Variants in GLI2 observed in about 807,000 individuals in gnomAD.
GLI2 encodes the protein transcription activator GLI2.
A neutral mutation model predicts 78.9 loss-of-function variants in GLI2; 22 were observed. The ratio of observed to expected loss-of-function variants is 0.28; its 90% confidence interval spans 0.20 to 0.40. GLI2 has a LOEUF of 0.40. GLI2 is among the 10% of genes least tolerant of loss of function. The pLI, the probability that GLI2 is intolerant of heterozygous loss-of-function variation, is 1.00. For synonymous variants in GLI2, 974 were observed against 963.7 expected, an observed-to-expected ratio of 1.01 and a Z score of -0.20; for missense variants, 2,097 against 2,213.2, an observed-to-expected ratio of 0.95 and a Z score of 1.05.
intron 2 of GLI2, among the ~76,000 whole-genome samples, chr2:120,847,911 C>A (rs915493689): frequency 1.3e-5 from 2 of 152,122 alleles, no homozygotes; most frequent in African/African-American, 2.4e-5. Context: ...GGGAGAAACC[C>A]GCTGTGGGGA....
intron 2 of GLI2, among the ~76,000 whole-genome samples, chr2:120,806,414 A>T (rs1684952485): frequency 6.6e-6 from 1 of 151,376 alleles, no homozygotes; most frequent in Admixed American, 6.6e-5. Context: ...CACTCAGCAG[A>T]TGGTGACGAA....
chr2:120,947,382 G>GA (rs2104937952), intron 3 of GLI2, among the ~76,000 whole-genome samples: 1 of 152,356 alleles, frequency 6.6e-6, no homozygotes, highest in East Asian at 1.9e-4. Flanking sequence ...AATTCACAAA[G>GA]AAAATATGTG....
intron 3 of GLI2, 103 bp from the exon 4 acceptor site, chr2:120,951,140 A>G (rs1348077707): frequency 1.3e-6 from 1 of 767,734 alleles, no homozygotes; most frequent in Non-Finnish European, 2.4e-6. Flanking sequence ...TTGTTCTGGA[A>G]AGTCTTTCCA....
chr2:120,850,881 T>C (rs978621015), intron 2 of GLI2, among the ~76,000 whole-genome samples: 5 of 152,210 alleles, frequency 3.3e-5, no homozygotes, highest in African/African-American at 1.2e-4. Context: ...ATTAAGCTCA[T>C]AGGATTAAAG....
At position 120,967,012 on chromosome 2, in the gene GLI2, G is replaced by A. The variant is rs543371257; in HGVS notation, c.644-1702G>A. Among the ~76,000 whole-genome samples, 6 of 152,360 alleles carry A rather than the reference G, an allele frequency of 3.9e-5. No individual in the cohort carries two copies. In the South Asian group the frequency reaches 1.2e-3, roughly 32 times the overall value. On this transcript the variant is annotated intron_variant, in intron 5 of 13. Coordinates refer to ENST00000361492, the MANE Select transcript of GLI2 (RefSeq NM_001374353.1). ...CAGTCAGGGCAGCCTGCCTGGAGGA[G>A]GGGGCACCCAGGAGGGGTCTCAGCA...
At chr2:120,832,484 TC>T (rs1686411829) in intron 2 of GLI2, among the ~76,000 whole-genome samples, 1 of 146,056 alleles carries the variant, frequency 6.8e-6, no homozygotes, top group Non-Finnish European at 1.5e-5. Flanking sequence ...TGGTCAGTCA[TC>T]CCTGTGTGGC....
chr2:120,975,862 A>C (rs891204602), intron 9 of GLI2, among the ~76,000 whole-genome samples: 3 of 152,170 alleles, frequency 2.0e-5, no homozygotes, highest in African/African-American at 7.2e-5. Flanking sequence ...AGTGGTTCTG[A>C]GCAAGTGACT....
chr2:120,982,988 C>T, intron 11 of GLI2, 108 bp downstream of exon 11: 1 of 1,006,018 alleles, frequency 9.9e-7, no homozygotes, highest in South Asian at 1.5e-5. Context: ...CATGTCCCGC[C>T]CCCGCCACTG....
chr2:120,939,981 C>A (rs1680378571), intron 3 of GLI2, among the ~76,000 whole-genome samples: 1 of 152,212 alleles, frequency 6.6e-6, no homozygotes, highest in African/African-American at 2.4e-5. Flanking sequence ...GCCAAAATGG[C>A]TCTTTTCTGT....
chr2:120,989,031 C>G lies in GLI2; in HGVS notation c.3066C>G (p.Ala1022=). ...TCAGCGAGAACGTGGCGATGGAGGC[C>G]GTGGCGGCAGGAGTGGACGGCGCGG... ...PSISENVAME[A]VAAGVDGAGP... is the part of the protein sequence containing the mutation. Residue 1022 remains alanine, a synonymous_variant, in exon 14 of 14, where the codon GCC becomes GCG. Transcript: ENST00000361492. 1.9e-6 allele frequency: 3 copies of G among 1,605,402 alleles called. No homozygotes were observed. Among genetic ancestry groups the G allele is most frequent in the Non-Finnish European group, 2.5e-6 (3 of 1,178,598 alleles).
At chr2:120,782,711 TG>T (rs1683882563) in intron 1 of GLI2, among the ~76,000 whole-genome samples, 1 of 152,214 alleles carries the variant, frequency 6.6e-6, no homozygotes, top group African/African-American at 2.4e-5. Flanking sequence ...TTCTCTGTTG[TG>T]GGAACTGTCC....
intron 3 of GLI2, among the ~76,000 whole-genome samples, chr2:120,934,659 T>C (rs553080863): frequency 6.6e-6 from 1 of 152,308 alleles, no homozygotes; most frequent in African/African-American, 2.4e-5. Context: ...TTCATCTGCA[T>C]GCTTGGTCAC....
At chr2:120,877,640 C>G (rs112175723) in intron 2 of GLI2, among the ~76,000 whole-genome samples, 5 of 152,308 alleles carry the variant, frequency 3.3e-5, no homozygotes, top group African/African-American at 1.2e-4. Flanking sequence ...GTGCACTTTT[C>G]TATCTGGTTG....
At chr2:120,787,894 C>T (rs977076143) in intron 1 of GLI2, among the ~76,000 whole-genome samples, 3 of 152,136 alleles carry the variant, frequency 2.0e-5, no homozygotes, top group East Asian at 1.9e-4. Context: ...GATGCCAACC[C>T]GAGAGTTTAG....
intron 2 of GLI2, among the ~76,000 whole-genome samples, chr2:120,895,340 G>C (rs551038267): frequency 2.0e-5 from 3 of 152,348 alleles, no homozygotes; most frequent in African/African-American, 4.8e-5. Context: ...TCCTTTGTTA[G>C]AAGGGGAGGA....
intron 2 of GLI2, among the ~76,000 whole-genome samples, chr2:120,911,100 G>T (rs1678794330): frequency 6.6e-6 from 1 of 152,166 alleles, no homozygotes; most frequent in Non-Finnish European, 1.5e-5. Context: ...CAAAGACTGG[G>T]ACCTGGGCCT....
chr2:120,934,096 C>G (rs1482963999), intron 3 of GLI2, among the ~76,000 whole-genome samples: 1 of 152,204 alleles, frequency 6.6e-6, no homozygotes, highest in Non-Finnish European at 1.5e-5. Flanking sequence ...TTACAGGCGC[C>G]CATAGGCCAG....
intron 2 of GLI2, among the ~76,000 whole-genome samples, chr2:120,905,296 G>A (rs987370447): frequency 3.9e-5 from 6 of 152,098 alleles, no homozygotes; most frequent in African/African-American, 1.4e-4. Context: ...AACCTCTACG[G>A]GGCGCCCCAC....
chr2:120,938,365 T>A (rs778275607), intron 3 of GLI2, among the ~76,000 whole-genome samples: 1 of 152,256 alleles, frequency 6.6e-6, no homozygotes, highest in African/African-American at 2.4e-5. Context: ...GTTTTCTGTT[T>A]GCAAAAACTG....
Sources: allele counts gnomAD v4.1 joint callset (sites outside exome capture counted in the v4.1 genomes callset), GRCh38; gene constraint gnomAD v4.1.1; transcripts MANE v1.5; gene names NCBI Gene and HGNC (gene_info 2026-07-23, HGNC 2026-07-21).